RBFOX3: variants seen among roughly 807,000 people sequenced by gnomAD.
RBFOX3 encodes RNA binding protein fox-1 homolog 3.
A neutral mutation model predicts 48.7 loss-of-function variants in RBFOX3; 17 were observed. That is an observed-to-expected ratio of 0.35 (90% confidence interval 0.24 to 0.52). The LOEUF is 0.52. Among genes scored for constraint, RBFOX3 ranks in the 20% least tolerant of loss-of-function variants. The pLI is 0.94. For synonymous variants in RBFOX3, 212 were observed against 209.5 expected, an observed-to-expected ratio of 1.01 and a Z score of -0.10; for missense variants, 382 against 497.5, an observed-to-expected ratio of 0.77 and a Z score of 2.21.
At chr17:79,529,841 C>G (rs990807620) in intron 1 of RBFOX3, among the ~76,000 whole-genome samples, 4 of 152,212 alleles carry the variant, frequency 2.6e-5, no homozygotes, top group African/African-American at 9.6e-5. Flanking sequence ...CCCAGCTCCC[C>G]CAGTTCCCCC....
chr17:79,199,936 G>A lies in RBFOX3; in HGVS notation c.-34+35830C>T, dbSNP rs1205298636. On this transcript the variant is annotated intron_variant, in intron 4 of 14. Coordinates refer to ENST00000693108, the MANE Select transcript of RBFOX3 (RefSeq NM_001350451.2). The surrounding 1 kb of genome is among the most constrained non-coding windows in gnomAD (Gnocchi z 5.1). ...AGCACTTTGGGAGGCCGAGGTGGGT[G>A]GATCACCTGAAGTCAGGAGTTCAAG... Among the ~76,000 whole-genome samples, 1 of 152,124 alleles carries A rather than the reference G, an allele frequency of 6.6e-6. No homozygotes were observed. Among genetic ancestry groups the A allele is most frequent in the Admixed American group, 6.5e-5 (1 of 15,276 alleles).
At chr17:79,253,430 G>GA (rs1373418664) in intron 3 of RBFOX3, among the ~76,000 whole-genome samples, 6 of 152,124 alleles carry the variant, frequency 3.9e-5, no homozygotes, top group African/African-American at 1.4e-4. Flanking sequence ...AACCAGAAAC[G>GA]AATCTTTCTT....
intron 4 of RBFOX3, chr17:79,136,419 G>A (rs1403385692): frequency 6.6e-6 from 1 of 152,402 alleles, no homozygotes; most frequent in African/African-American, 2.4e-5. Flanking sequence ...CAGGAGCGTG[G>A]GGAGGAAGGA....
chr17:79,608,691 C>A (rs1248260069), intron 1 of RBFOX3, among the ~76,000 whole-genome samples: 1 of 152,214 alleles, frequency 6.6e-6, no homozygotes, highest in African/African-American at 2.4e-5. Context: ...GCTCTGTCTC[C>A]CTCCTGGGGA....
chr17:79,645,882 T>C, the RBFOX3 span, among the ~76,000 whole-genome samples: 1 of 152,292 alleles, frequency 6.6e-6, no homozygotes, highest in African/African-American at 2.4e-5. Flanking sequence ...AGAACCAACC[T>C]GTGAAGTTTG....
intron 1 of RBFOX3, among the ~76,000 whole-genome samples, chr17:79,554,761 C>A (rs2091484904): frequency 6.6e-6 from 1 of 152,226 alleles, no homozygotes; most frequent in South Asian, 2.1e-4. Flanking sequence ...AACTCTAAAA[C>A]CAATATTTGA....
chr17:79,255,320 A>G (rs2064634882), intron 3 of RBFOX3, among the ~76,000 whole-genome samples: 2 of 151,618 alleles, frequency 1.3e-5, no homozygotes, highest in Admixed American at 1.3e-4. Context: ...TAGACTCACT[A>G]TGGTGGGTCT....
intron 2 of RBFOX3, among the ~76,000 whole-genome samples, chr17:79,430,792 G>A (rs905829098): frequency 2.0e-5 from 3 of 152,162 alleles, no homozygotes; most frequent in South Asian, 4.1e-4. Flanking sequence ...TGATCCACCC[G>A]CCTCGGCCTC....
At chr17:79,157,350 A>T (rs756465243) in intron 4 of RBFOX3, among the ~76,000 whole-genome samples, 5 of 152,144 alleles carry the variant, frequency 3.3e-5, no homozygotes, top group Admixed American at 6.5e-5. Context: ...CGGAGAGCCC[A>T]GCTGCCGTCC....
At chr17:79,558,827 T>TG (rs1203231402) in intron 1 of RBFOX3, among the ~76,000 whole-genome samples, 2 of 151,778 alleles carry the variant, frequency 1.3e-5, no homozygotes, top group Admixed American at 1.3e-4. Flanking sequence ...TTGACAATGG[T>TG]GGGGGGTGTG....
intron 2 of RBFOX3, among the ~76,000 whole-genome samples, chr17:79,366,922 C>G (rs1349478628): frequency 3.3e-5 from 5 of 152,216 alleles, no homozygotes; most frequent in Non-Finnish European, 7.3e-5. Context: ...GAGAGAGCCA[C>G]CTCGCCCAAG....
At chr17:79,145,322 G>C (rs916022077) in intron 4 of RBFOX3, among the ~76,000 whole-genome samples, 1 of 152,322 alleles carries the variant, frequency 6.6e-6, no homozygotes, top group East Asian at 1.9e-4. Context: ...ATAAGTTCCC[G>C]ATGTGCGTGG....
the RBFOX3 span, among the ~76,000 whole-genome samples, chr17:79,634,079 C>T: frequency 3.3e-5 from 5 of 152,214 alleles, no homozygotes; most frequent in African/African-American, 9.6e-5. Context: ...CTGCCTTGCC[C>T]GGCATTGGGC....
the RBFOX3 span, among the ~76,000 whole-genome samples, chr17:79,660,039 G>A: frequency 2.6e-5 from 4 of 152,078 alleles, no homozygotes; most frequent in East Asian, 7.7e-4. Context: ...ATATAAAAAT[G>A]AACAGGGCAT....
intron 2 of RBFOX3, among the ~76,000 whole-genome samples, chr17:79,452,966 A>G (rs191962377): frequency 1.3e-5 from 2 of 152,226 alleles, no homozygotes; most frequent in Admixed American, 1.3e-4. Context: ...TCCAACACCC[A>G]CTGAGACGTG....
intron 4 of RBFOX3, among the ~76,000 whole-genome samples, chr17:79,169,255 A>G (rs1049365987): frequency 2.6e-5 from 4 of 152,098 alleles, no homozygotes; most frequent in African/African-American, 9.7e-5. Context: ...CCCGGGTTTC[A>G]CTGGAGGGGC....
At chr17:79,378,959 A>G (rs1290726487) in intron 2 of RBFOX3, among the ~76,000 whole-genome samples, 1 of 152,196 alleles carries the variant, frequency 6.6e-6, no homozygotes, top group African/African-American at 2.4e-5. Context: ...TCCAGGCTGC[A>G]CAAGCTTCGG....
intron 1 of RBFOX3, chr17:79,599,596 C>G (rs2093655676): frequency 6.6e-6 from 1 of 152,268 alleles, no homozygotes; most frequent in Non-Finnish European, 1.5e-5. Flanking sequence ...CCGCAGCCCC[C>G]CAACAAGAGT....
intron 2 of RBFOX3, among the ~76,000 whole-genome samples, chr17:79,376,690 G>C (rs983678777): frequency 2.6e-5 from 4 of 152,218 alleles, no homozygotes; most frequent in African/African-American, 9.6e-5. Context: ...GGAGGAAGAG[G>C]AGGGGTGCAG....
Sources: allele counts gnomAD v4.1 joint callset (sites outside exome capture counted in the v4.1 genomes callset), GRCh38; gene constraint gnomAD v4.1.1; non-coding constraint Gnocchi (gnomAD v3.1); transcripts MANE v1.5; gene names NCBI Gene and HGNC (gene_info 2026-07-23, HGNC 2026-07-21).